Variants in RHBDL2 observed in about 807,000 individuals in gnomAD.
RHBDL2 encodes the protein rhomboid-related protein 2.
In RHBDL2, 26 loss-of-function variants were observed where a neutral mutation model predicts 31.7. The ratio of observed to expected loss-of-function variants is 0.82; its 90% CI spans 0.60 to 1.14. RHBDL2 has a LOEUF of 1.14. Among genes scored for constraint, RHBDL2 ranks in the 50% most tolerant of loss-of-function variants. The pLI is 0.00. For missense variants in RHBDL2, 336 were observed against 364.4 expected, an observed-to-expected ratio of 0.92 and a Z score of 0.63; for synonymous variants, 123 against 127.2, an observed-to-expected ratio of 0.97 and a Z score of 0.22.
In RHBDL2 at chr1:38,895,846, T is replaced by C. The variant is rs553612014; in HGVS notation, c.609+123A>G. On this transcript the variant is annotated intron_variant, in intron 5 of 7. Coordinates refer to ENST00000372990, the MANE Select transcript of RHBDL2 (RefSeq NM_017821.5). ...GAAAGGAAACAAAATGGCATTGCCA[T>C]ACAATTCTCAGAAAATTGAGTGCTC... 116 of 654,340 alleles carry C rather than the reference T, an allele frequency of 1.8e-4. 1 individual carries two copies. The East Asian group carries it at 3.1e-3, about 17-fold the overall frequency. 40.5% of individuals were successfully genotyped at this position (654,340 alleles called of 1,614,324 possible). A position where few individuals can be genotyped will look rare whatever the true frequency, so the allele number is the denominator to read the frequency against.
chr1:38,935,485 G>A (rs1643489473), intron 1 of RHBDL2, among the ~76,000 whole-genome samples: 1 of 152,122 alleles, frequency 6.6e-6, no homozygotes, highest in Non-Finnish European at 1.5e-5. Flanking sequence ...TTGTGCCTTG[G>A]GAGCATCATC....
chr1:38,939,065 C>G (rs1373786337), intron 1 of RHBDL2, among the ~76,000 whole-genome samples: 1 of 152,142 alleles, frequency 6.6e-6, no homozygotes, highest in Non-Finnish European at 1.5e-5. Context: ...CCTCTTGAAA[C>G]TTTGTAGTCT....
intron 2 of RHBDL2, among the ~76,000 whole-genome samples, chr1:38,917,265 C>T (rs1278906485): frequency 6.6e-6 from 1 of 152,092 alleles, no homozygotes; most frequent in Admixed American, 6.6e-5. Context: ...GATCCGCCCA[C>T]CTCAGCCTCC....
At chr1:38,904,434 T>C (rs913089212) in intron 4 of RHBDL2, among the ~76,000 whole-genome samples, 2 of 151,416 alleles carry the variant, frequency 1.3e-5, no homozygotes, top group South Asian at 4.2e-4. Flanking sequence ...ATTGCGCCAC[T>C]GCACTCCAGT....
At chr1:38,929,536 A>G (rs1643417207) in intron 1 of RHBDL2, 1 of 1,289,330 alleles carries the variant, frequency 7.8e-7, no homozygotes, top group African/African-American at 1.5e-5. Context: ...TAAATATCTG[A>G]ATTGTTTTTT....
intron 4 of RHBDL2, among the ~76,000 whole-genome samples, chr1:38,897,226 G>A (rs974805994): frequency 1.3e-5 from 2 of 151,422 alleles, no homozygotes; most frequent in Admixed American, 6.6e-5. Context: ...TCAGCCTCCC[G>A]AGCAGCTGGG....
At position 38,915,686 on chromosome 1, in the gene RHBDL2, C is replaced by T. The variant is rs760860747; in HGVS notation, c.271G>A (p.Val91Met). 6.2e-6 allele frequency: 10 copies of T among 1,614,144 alleles called. No individual in the cohort carries two copies. Among genetic ancestry groups the T allele is most frequent in the Non-Finnish European group, 8.5e-6 (10 of 1,180,026 alleles). ...AELAVFIYYA[V>M]WKPQKQWITL... The stretch of plus-strand genomic sequence containing the variant: ...ATCCACTGTTTCTGAGGCTTCCACA[C>T]AGCATAGTAAATAAACACTGCCAGC... Residue 91 changes from valine (V) to methionine (M), a missense_variant, in exon 3 of 8, where the codon GTG (valine) becomes ATG (methionine). Transcript: ENST00000372990.
intron 1 of RHBDL2, among the ~76,000 whole-genome samples, chr1:38,935,142 C>T (rs1643482928): frequency 6.6e-6 from 1 of 152,114 alleles, no homozygotes; most frequent in South Asian, 2.1e-4. Context: ...TTCACTTGTT[C>T]AGTTTATGGA....
chr1:38,898,211 C>T lies in RHBDL2; in HGVS notation c.509-2142G>A, dbSNP rs1483109796. Among the ~76,000 whole-genome samples, 6 of 151,846 alleles carry T rather than the reference C, an allele frequency of 4.0e-5. No homozygotes were observed. The South Asian group carries it at 6.3e-4, about 16-fold the overall frequency. ...TCCAACTACTGGGGAGTCTGAGGCACGAGGATCACTTGAACCTGGGAGGCA... is the reference window on the plus strand; with the variant it reads ...TCCAACTACTGGGGAGTCTGAGGCATGAGGATCACTTGAACCTGGGAGGCA... On this transcript the variant is annotated intron_variant, in intron 4 of 7. Transcript: ENST00000372990.
At chr1:38,904,892 G>C (rs568542489) in intron 4 of RHBDL2, among the ~76,000 whole-genome samples, 4 of 149,170 alleles carry the variant, frequency 2.7e-5, no homozygotes, top group Admixed American at 2.7e-4. Flanking sequence ...TTAGCCGGGC[G>C]TGGTAGCGGG....
In RHBDL2 at chr1:38,915,730, T is replaced by C. The variant is rs938469902; in HGVS notation, c.247-20A>G. 6.2e-7 allele frequency: 1 copy of C among 1,613,648 alleles called. No homozygotes were observed. Among genetic ancestry groups the C allele is most frequent in the Non-Finnish European group, 8.5e-7 (1 of 1,179,914 alleles). The stretch of plus-strand genomic sequence containing the variant: ...TGCCAGCTGATGGAGGGAGCAGACA[T>C]GAGTATTAACCACACCTTCTCCAGA... On this transcript the variant is annotated intron_variant, in intron 2 of 7. Transcript: ENST00000372990.
chr1:38,924,432 A>G (rs1044587987), intron 1 of RHBDL2, among the ~76,000 whole-genome samples: 9 of 152,070 alleles, frequency 5.9e-5, no homozygotes, highest in African/African-American at 2.2e-4. Context: ...ATCTCCACTA[A>G]AAATACAAAA....
chr1:38,929,335 C>T (rs376993945), intron 1 of RHBDL2: 4 of 1,154,572 alleles, frequency 3.5e-6, no homozygotes, highest in South Asian at 1.3e-5. Context: ...TGGACACAAG[C>T]GTCCAGGACG....
chr1:38,932,900 C>T lies in RHBDL2; in HGVS notation c.-126+8782G>A, dbSNP rs191823706. 2.4e-4 allele frequency among the ~76,000 whole-genome samples: 36 copies of T among 152,268 alleles called. 2 individuals are homozygous for T. Among genetic ancestry groups the T allele is most frequent in the African/African-American group, 7.5e-4 (31 of 41,572 alleles). On this transcript the variant is annotated intron_variant, in intron 1 of 7. Transcript: ENST00000372990. ...TCACATTGTTCATCTTTGTATTCTT[C>T]CATTGAGTAGATTACTGATGTCTGA... is the stretch of plus-strand genomic sequence containing the variant.
At chr1:38,913,143 C>A (rs945158300) in intron 3 of RHBDL2, among the ~76,000 whole-genome samples, 3 of 151,402 alleles carry the variant, frequency 2.0e-5, no homozygotes, top group Admixed American at 6.6e-5. Context: ...CCACCACGCC[C>A]AGCTAATTTT....
chr1:38,919,169 T>C lies in RHBDL2; in HGVS notation c.44A>G (p.Asn15Ser). ...CTCTTCTTTCATCTCTCTCCCCATATTCAGATTCATGCTCTCCATCTCCAG... is the reference window on the plus strand; with the variant it reads ...CTCTTCTTTCATCTCTCTCCCCATACTCAGATTCATGCTCTCCATCTCCAG... Reference protein sequence around the residue: ...HDLEMESMNLNMGREMKEELE... With the variant: ...HDLEMESMNLSMGREMKEELE... The change falls in exon 2 of 8, where the codon AAT becomes AGT. Residue 15 changes from asparagine (N) to serine (S), a missense_variant. Transcript: ENST00000372990. The C allele has an allele frequency of 1.2e-6, 2 of 1,614,132 alleles. No individual in the cohort carries two copies. The highest frequency in any genetic ancestry group is 2.2e-5 in the East Asian group (1 of 44,880).
Position 38,897,679 on chromosome 1 carries a change from C to T in RHBDL2, c.509-1610G>A, listed in dbSNP as rs578126517. Among the ~76,000 whole-genome samples the T allele has an allele frequency of 3.7e-3, 563 of 152,260 alleles. 6 individuals carry two copies. The highest frequency in any genetic ancestry group is 6.8e-3 in the Middle Eastern group (2 of 294). ...GCAGTGAGCTATCATCGTGCCACTGCGCTCCAGTCTGGGTGACAGAGGAAG... is the reference window on the plus strand; with the variant it reads ...GCAGTGAGCTATCATCGTGCCACTGTGCTCCAGTCTGGGTGACAGAGGAAG... On this transcript the variant is annotated intron_variant, in intron 4 of 7. Transcript: ENST00000372990.
intron 2 of RHBDL2, among the ~76,000 whole-genome samples, chr1:38,917,577 C>G (rs1643256556): frequency 1.3e-5 from 2 of 152,084 alleles, no homozygotes; most frequent in Admixed American, 1.3e-4. Context: ...CACAAGACAA[C>G]CCATAGGCCA....
chr1:38,907,488 C>T (rs556153244), intron 4 of RHBDL2, among the ~76,000 whole-genome samples: 3 of 152,226 alleles, frequency 2.0e-5, no homozygotes, highest in South Asian at 4.2e-4. Flanking sequence ...TGCAGTGAGC[C>T]GAGATCGCGC....
Sources: gnomAD v4.1 joint callset for allele counts (sites outside exome capture counted in the v4.1 genomes callset) on GRCh38, gnomAD v4.1.1 for gene constraint, MANE v1.5 for transcripts, NCBI Gene and HGNC (gene_info 2026-07-23, HGNC 2026-07-21) for gene names.